NOVA1: variants seen among roughly 807,000 people sequenced by gnomAD.
NOVA1 encodes NOVA alternative splicing regulator 1.
NOVA1 carries 7 observed loss-of-function variants against 38.0 expected under a neutral mutation model. The observed-to-expected ratio is 0.18, with a 90% confidence interval of 0.10 to 0.35. The LOEUF is 0.35. Ranked by LOEUF, NOVA1 falls within the 10% of genes least tolerant of loss-of-function variation. The pLI is 1.00. For synonymous variants in NOVA1, 270 were observed against 232.5 expected (o/e 1.16, Z -1.47); for missense variants, 460 against 616.0 (o/e 0.75, Z 2.68).
chr14:26,499,051 T>C (rs1046904027), intron 2 of NOVA1, among the ~76,000 whole-genome samples: 6 of 152,252 alleles, frequency 3.9e-5, no homozygotes, highest in Non-Finnish European at 8.8e-5. Flanking sequence ...TGGGAGTACA[T>C]GAGGGCAAAT....
intron 3 of NOVA1, 35 bp downstream of exon 3, chr14:26,479,942 G>C (rs1566460977): frequency 6.2e-7 from 1 of 1,607,086 alleles, no homozygotes. Context: ...CTATGCTGTG[G>C]ATATTTCTCT....
At chr14:26,469,884 A>G (rs1237342097) in intron 4 of NOVA1, among the ~76,000 whole-genome samples, 1 of 152,134 alleles carries the variant, frequency 6.6e-6, no homozygotes, top group Non-Finnish European at 1.5e-5. Context: ...TACAGGTGTG[A>G]GCCACCATGC....
intron 2 of NOVA1, among the ~76,000 whole-genome samples, chr14:26,510,871 T>A (rs1052104721): frequency 6.6e-6 from 1 of 152,214 alleles, no homozygotes; most frequent in African/African-American, 2.4e-5. Flanking sequence ...ATTACATTTT[T>A]AAAATTAACA....
intron 2 of NOVA1, among the ~76,000 whole-genome samples, chr14:26,580,672 C>A (rs937230080): frequency 1.3e-5 from 2 of 151,626 alleles, no homozygotes; most frequent in African/African-American, 4.8e-5. Context: ...CTTATAATTA[C>A]CACTAAAAAC....
At chr14:26,524,474 T>A (rs187878884) in intron 2 of NOVA1, among the ~76,000 whole-genome samples, 11 of 152,174 alleles carry the variant, frequency 7.2e-5, no homozygotes, top group African/African-American at 2.6e-4. Flanking sequence ...TAAATAATTA[T>A]ATAGTAATAA....
At chr14:26,480,960 AATATATGATGCAAGAC>A (rs1389644800) in intron 2 of NOVA1, among the ~76,000 whole-genome samples, 11 of 152,110 alleles carry the variant, frequency 7.2e-5, no homozygotes, top group African/African-American at 2.7e-4. Context: ...ATAAAATGTA[AATATATGATGCAAGAC>A]AAGACTAAGG....
At chr14:26,591,393 T>G (rs1766191587) in intron 2 of NOVA1, among the ~76,000 whole-genome samples, 4 of 151,708 alleles carry the variant, frequency 2.6e-5, no homozygotes, top group Admixed American at 2.0e-4. Context: ...ACTATCCTAT[T>G]AAACCCACCC....
rs567288112 is a variant in NOVA1, at chr14:26,443,400, A to T, written c.*4559T>A. ...AAACAATATTTTATTTACAAATCTG[A>T]TTTGATGTACTTTATTATACAAGGT... On this transcript the variant is annotated 3_prime_UTR_variant, in exon 5 of 5. Transcript: ENST00000539517. 5 of 152,092 alleles carry T rather than the reference A, an allele frequency of 3.3e-5. No homozygotes were observed. Among genetic ancestry groups the T allele is most frequent in the African/African-American group, 1.2e-4 (5 of 41,554 alleles). 9.4% of individuals were successfully genotyped at this position (152,092 alleles called of 1,614,324 possible). A position where few individuals can be genotyped will look rare whatever the true frequency, so the allele number is the denominator to read the frequency against.
At chr14:26,472,908 C>T (rs543532263) in intron 3 of NOVA1, among the ~76,000 whole-genome samples, 54 of 152,060 alleles carry the variant, frequency 3.6e-4, no homozygotes, top group Admixed American at 1.2e-3. Context: ...GGGATCCATA[C>T]TTAAAAGCAA....
chr14:26,560,446 T>G (rs1374671609), intron 2 of NOVA1, among the ~76,000 whole-genome samples: 1 of 152,150 alleles, frequency 6.6e-6, no homozygotes, highest in Non-Finnish European at 1.5e-5. Context: ...GCAGACTTCC[T>G]CAATTAATAG....
intron 2 of NOVA1, among the ~76,000 whole-genome samples, chr14:26,530,584 C>T (rs948395566): frequency 2.4e-4 from 37 of 152,000 alleles, no homozygotes; most frequent in Non-Finnish European, 4.4e-4. Flanking sequence ...ATGTTACTTG[C>T]GCTGTTTATT....
chr14:26,596,912 T>C (rs1041562965), intron 1 of NOVA1: 32 of 1,179,312 alleles, frequency 2.7e-5, no homozygotes, highest in Middle Eastern at 3.8e-4. Context: ...ATCAGACTGT[T>C]AAACGCAGCG....
At chr14:26,584,242 CCCTTTGCCTTTT>C (rs1443827896) in intron 2 of NOVA1, among the ~76,000 whole-genome samples, 3 of 151,340 alleles carry the variant, frequency 2.0e-5, no homozygotes, top group African/African-American at 7.3e-5. Flanking sequence ...CCCCATCTTT[CCCTTTGCCTTTT>C]CCTTTCTAAG....
chr14:26,491,897 G>A (rs1886376907), intron 2 of NOVA1, among the ~76,000 whole-genome samples: 1 of 151,202 alleles, frequency 6.6e-6, no homozygotes, highest in African/African-American at 2.4e-5. Flanking sequence ...TTTCAATATT[G>A]TTTTATCTAT....
intron 2 of NOVA1, among the ~76,000 whole-genome samples, chr14:26,503,698 AT>A (rs1374637745): frequency 6.6e-6 from 1 of 152,108 alleles, no homozygotes; most frequent in African/African-American, 2.4e-5. Flanking sequence ...ATTCATAACT[AT>A]TTTTTCTAAT....
chr14:26,475,421 T>C (rs1024293271), intron 3 of NOVA1, among the ~76,000 whole-genome samples: 14 of 152,222 alleles, frequency 9.2e-5, no homozygotes, highest in Non-Finnish European at 1.8e-4. Flanking sequence ...TATCCTTTAG[T>C]AAAATTTCTG....
chr14:26,485,355 C>G (rs958882734), intron 2 of NOVA1, among the ~76,000 whole-genome samples: 2 of 151,846 alleles, frequency 1.3e-5, no homozygotes, highest in African/African-American at 4.8e-5. Context: ...ACATAAAAAG[C>G]AGATATATTT....
chr14:26,539,613 G>C (rs945505170), intron 2 of NOVA1, among the ~76,000 whole-genome samples: 2 of 151,958 alleles, frequency 1.3e-5, no homozygotes, highest in African/African-American at 2.4e-5. Flanking sequence ...AAGAAAAAGA[G>C]GAGAGAAATG....
At chr14:26,473,442 TTA>T (rs1381887894) in intron 3 of NOVA1, among the ~76,000 whole-genome samples, 10 of 151,822 alleles carry the variant, frequency 6.6e-5, no homozygotes, top group African/African-American at 2.2e-4. Flanking sequence ...TATATGGACA[TTA>T]TGTTTTATAT....
Sources: gnomAD v4.1 joint callset for allele counts (sites outside exome capture counted in the v4.1 genomes callset) on GRCh38, gnomAD v4.1.1 for gene constraint, MANE v1.5 for transcripts, NCBI Gene and HGNC (gene_info 2026-07-23, HGNC 2026-07-21) for gene names.